The following ANK3 variants were observed in gnomAD, a reference collection of about 807,000 sequenced individuals.
ANK3 encodes ankyrin 3, also known as ankyrin-3.
A neutral mutation model predicts 370.9 loss-of-function variants in ANK3; 57 were observed. That is an observed-to-expected ratio of 0.15 (90% CI 0.12 to 0.19). The LOEUF is 0.19. Ranked by LOEUF, ANK3 falls within the 10% of genes least tolerant of loss-of-function variation. The probability of loss-of-function intolerance (pLI) is 1.00; values close to 1 mark genes in which losing one functional copy is unlikely to be tolerated. For synonymous variants in ANK3, 1,929 were observed against 1,946.3 expected, an observed-to-expected ratio of 0.99 and a Z score of 0.23; for missense variants, 4,439 against 5,302.1, an observed-to-expected ratio of 0.84 and a Z score of 5.06.
At chr10:60,687,471 G>C (rs2079284266) in intron 1 of ANK3, among the ~76,000 whole-genome samples, 1 of 151,968 alleles carries the variant, frequency 6.6e-6, no homozygotes, top group African/African-American at 2.4e-5. Context: ...CTAATCATTA[G>C]GGAAATTCAA....
chr10:60,641,341 G>C (rs376183575), intron 1 of ANK3, among the ~76,000 whole-genome samples: 1 of 151,894 alleles, frequency 6.6e-6, no homozygotes. Context: ...TAAGCCAAAA[G>C]AACAAAGCTG....
chr10:60,392,033 C>G (rs2063122333), upstream of ANK3, among the ~76,000 whole-genome samples: 1 of 152,176 alleles, frequency 6.6e-6, no homozygotes, highest in African/African-American at 2.4e-5. Context: ...AACAGTGACT[C>G]TACTAAGAAA....
chr10:60,722,124 T>C (rs1295094538), intron 1 of ANK3, among the ~76,000 whole-genome samples: 4 of 152,034 alleles, frequency 2.6e-5, no homozygotes, highest in African/African-American at 7.2e-5. Flanking sequence ...AACTATGCCA[T>C]TTCATACCCC....
At chr10:60,495,656 T>C (rs2075634817) in intron 2 of ANK3, among the ~76,000 whole-genome samples, 1 of 152,158 alleles carries the variant, frequency 6.6e-6, no homozygotes, top group South Asian at 2.1e-4. Context: ...TGAAAAATAT[T>C]GGATATAACT....
At chr10:60,431,733 C>T (rs770709157) in intron 2 of ANK3, among the ~76,000 whole-genome samples, 5 of 152,134 alleles carry the variant, frequency 3.3e-5, no homozygotes, top group Non-Finnish European at 7.4e-5. Flanking sequence ...ACCACCATGG[C>T]AAGTGTATAC....
intron 1 of ANK3, among the ~76,000 whole-genome samples, chr10:60,313,763 T>C (rs1364114148): frequency 6.6e-6 from 1 of 152,126 alleles, no homozygotes; most frequent in African/African-American, 2.4e-5. Flanking sequence ...GAATAAATAG[T>C]CCAACAGTTG....
At chr10:60,258,897 C>T (rs1486999896) in intron 7 of ANK3, among the ~76,000 whole-genome samples, 3 of 152,202 alleles carry the variant, frequency 2.0e-5, no homozygotes, top group Non-Finnish European at 2.9e-5. Flanking sequence ...TTCTAACCAC[C>T]TCATCAATAC....
chr10:60,323,868 G>T (rs2049205165), intron 1 of ANK3, among the ~76,000 whole-genome samples: 1 of 152,156 alleles, frequency 6.6e-6, no homozygotes, highest in Admixed American at 6.5e-5. Context: ...CTCCTGCCAG[G>T]GCAAGTCAGA....
chr10:60,212,158 G>GA lies in ANK3; in HGVS notation c.996+1253dup, dbSNP rs547511399. On this transcript the variant is annotated intron_variant, in intron 9 of 43. Transcript: ENST00000280772. ...ATCCAAAGCAATGAGATGAATAGGA[G>GA]AAAAAATATGAGCAACTCTCTGATT... 4.1e-4 allele frequency among the ~76,000 whole-genome samples: 63 copies of GA among 152,068 alleles called. 2 individuals carry two copies. In the South Asian group the frequency reaches 4.4e-3, roughly 11 times the overall value.
intron 1 of ANK3, among the ~76,000 whole-genome samples, chr10:60,700,674 C>T (rs2079533617): frequency 6.6e-6 from 1 of 152,074 alleles, no homozygotes; most frequent in African/African-American, 2.4e-5. Flanking sequence ...ATTGCAAATG[C>T]AAATTTAATA....
chr10:60,280,827 C>G (rs2098151021), intron 1 of ANK3, among the ~76,000 whole-genome samples: 2 of 152,200 alleles, frequency 1.3e-5, no homozygotes, highest in Admixed American at 6.5e-5. Flanking sequence ...ATCTGTGAAG[C>G]CTGCCCAGAC....
intron 2 of ANK3, among the ~76,000 whole-genome samples, chr10:60,468,458 T>C (rs1021164160): frequency 9.2e-5 from 14 of 152,140 alleles, no homozygotes; most frequent in African/African-American, 3.4e-4. Context: ...GCTGTACTCA[T>C]ATTTAAGTAT....
Position 60,528,340 on chromosome 10 carries a change from TG to T in ANK3, c.96+86845del, listed in dbSNP as rs538062244. On this transcript the variant is annotated intron_variant, in intron 2 of 43. Transcript: ENST00000373827. ...TAGTAGAGACGGTGTTTCTCCATGT[TG>T]GCCAGGCTGGTCTTGAACTCCCAAC... Among the ~76,000 whole-genome samples, 10 of 152,160 alleles carry T rather than the reference TG, an allele frequency of 6.6e-5. 1 individual carries two copies. In the South Asian group the frequency reaches 2.1e-3, roughly 32 times the overall value.
chr10:60,070,207 T>C lies in ANK3; in HGVS notation c.10674A>G (p.Lys3558=). 6.2e-7 allele frequency: 1 copy of C among 1,614,138 alleles called. No homozygotes were observed. Among genetic ancestry groups the C allele is most frequent in the Non-Finnish European group, 8.5e-7 (1 of 1,180,010 alleles). Residue 3558 remains lysine, a synonymous_variant, in exon 37 of 44, where the codon AAA becomes AAG. Transcript: ENST00000280772. This position sits in a 1 kb window ranked among gnomAD's most constrained non-coding sequence, Gnocchi z 5.7. ...ATGGCTTAGTTTCATCTTCCCGTGA[T>C]TTACTGTCAAAAACTTCATCATCCC... is the stretch of plus-strand genomic sequence containing the variant. The part of the protein sequence containing the change: ...NRGDDEVFDS[K]SREDETKPFG...
chr10:60,125,890 A>G (rs2093731905), intron 25 of ANK3, among the ~76,000 whole-genome samples: 1 of 152,238 alleles, frequency 6.6e-6, no homozygotes, highest in South Asian at 2.1e-4. Flanking sequence ...CAAATTGTAC[A>G]TTACACATTA....
intron 2 of ANK3, among the ~76,000 whole-genome samples, chr10:60,554,257 T>C (rs2893840): frequency 0.69 from 105,011 of 151,896 alleles, 36,733 homozygotes; most frequent in South Asian, 0.88. Context: ...AGAGCCCTTT[T>C]TCTAAGTAAA....
chr10:60,068,821 C>A lies in ANK3; in HGVS notation c.12060G>T (p.Lys4020Asn). The A allele has an allele frequency of 6.2e-7, 1 of 1,614,172 alleles. No homozygotes were observed. The highest frequency in any genetic ancestry group is 8.5e-7 in the Non-Finnish European group (1 of 1,180,022). The change falls in exon 37 of 44, where the codon AAG becomes AAT. Residue 4020 changes from lysine to asparagine, a missense_variant. Coordinates refer to ENST00000280772, the MANE Select transcript of ANK3 (RefSeq NM_020987.5). ...LVDRLSEEEK[K>N]MQSELSDEEE... ...CCTCATCGGACAACTCGGACTGCAT[C>A]TTTTTTTCTTCTTCAGAGAGGCGGT...
chr10:60,296,924 G>A (rs1277070627), intron 1 of ANK3, among the ~76,000 whole-genome samples: 5 of 152,172 alleles, frequency 3.3e-5, no homozygotes, highest in Admixed American at 1.3e-4. Context: ...AGGCTGCAGT[G>A]AGCTGTGATT....
At chr10:60,217,894 CTT>C (rs1018109462) in intron 8 of ANK3, among the ~76,000 whole-genome samples, 6 of 152,230 alleles carry the variant, frequency 3.9e-5, no homozygotes, top group African/African-American at 1.2e-4. Flanking sequence ...AGTTTAGTCT[CTT>C]TATAGGTCTC....
Sources: gnomAD v4.1 joint callset for allele counts (sites outside exome capture counted in the v4.1 genomes callset) on GRCh38, gnomAD v4.1.1 for gene constraint, Gnocchi (gnomAD v3.1) non-coding constraint, MANE v1.5 for transcripts, NCBI Gene and HGNC (gene_info 2026-07-23, HGNC 2026-07-21) for gene names.